CERT1: variants seen among roughly 807,000 people sequenced by gnomAD.
The protein encoded by CERT1 is ceramide transporter 1.
In CERT1, 31 loss-of-function variants were observed where a neutral mutation model predicts 87.9. The observed-to-expected ratio is 0.35, with a 90% CI of 0.27 to 0.48. The LOEUF (loss-of-function observed/expected upper bound fraction) is 0.48, where lower values mean the gene tolerates loss of function less well. Among genes scored for constraint, CERT1 ranks in the 20% least tolerant of loss-of-function variants. The pLI is 0.99. For synonymous variants in CERT1, 289 were observed against 250.9 expected, an observed-to-expected ratio of 1.15 and a Z score of -1.44; for missense variants, 487 against 758.0, an observed-to-expected ratio of 0.64 and a Z score of 4.20.
At chr5:75,382,450 C>A (rs1188788650) in intron 14 of CERT1, among the ~76,000 whole-genome samples, 2 of 152,060 alleles carry the variant, frequency 1.3e-5, no homozygotes, top group East Asian at 3.9e-4. Flanking sequence ...AACAACTTTC[C>A]ATTCCTCTCT....
chr5:75,393,257 G>A (rs1762100478), intron 11 of CERT1, among the ~76,000 whole-genome samples: 1 of 151,778 alleles, frequency 6.6e-6, no homozygotes. Flanking sequence ...ACCTAGAGTT[G>A]AAAATGATTA....
intron 2 of CERT1, among the ~76,000 whole-genome samples, chr5:75,478,299 G>A (rs566424040): frequency 9.8e-4 from 148 of 151,470 alleles, no homozygotes; most frequent in Middle Eastern, 3.4e-3. Context: ...GGGTGACAGA[G>A]CAAGACTCTG....
intron 2 of CERT1, among the ~76,000 whole-genome samples, chr5:75,492,854 T>G (rs75701728): frequency 0.015 from 2,299 of 152,294 alleles, 57 homozygotes; most frequent in African/African-American, 0.053. Context: ...TTTTCCTGCT[T>G]TAGGAAAGTG....
intron 4 of CERT1, 75 bp downstream of exon 4, chr5:75,426,296 A>T (rs1250589958): frequency 8.8e-6 from 9 of 1,026,636 alleles, no homozygotes; most frequent in Non-Finnish European, 1.4e-5. Context: ...AAATTATCAC[A>T]TATGTTCTGT....
intron 8 of CERT1, among the ~76,000 whole-genome samples, chr5:75,404,196 G>T (rs1488441283): frequency 2.0e-5 from 3 of 151,194 alleles, no homozygotes; most frequent in Non-Finnish European, 4.4e-5. Context: ...GGAGGTATGG[G>T]GTCACGTTCT....
At chr5:75,443,872 C>T (rs1764422700) in intron 3 of CERT1, among the ~76,000 whole-genome samples, 1 of 152,162 alleles carries the variant, frequency 6.6e-6, no homozygotes, top group South Asian at 2.1e-4. Flanking sequence ...CTGCAGTGAA[C>T]CTTTTATTAA....
chr5:75,421,614 C>A (rs889882567), intron 5 of CERT1, among the ~76,000 whole-genome samples: 1 of 152,172 alleles, frequency 6.6e-6, no homozygotes, highest in Non-Finnish European at 1.5e-5. Flanking sequence ...TCTTTAGATA[C>A]ATTATTTTTA....
rs190678190 is a variant in CERT1 at position 75,423,518 on chromosome 5, T to C, written c.595+1843A>G. Among the ~76,000 whole-genome samples, 165 of 152,244 alleles carry C rather than the reference T, an allele frequency of 1.1e-3. 1 individual carries two copies. The highest frequency in any genetic ancestry group is 7.4e-3 in the Admixed American group (113 of 15,286). ...ACTTTGGGCAGTTGAGGTGGGAGAA[T>C]CCCTTGAGGCCAGGAGTTTAAAGAC... On this transcript the variant is annotated intron_variant, in intron 5 of 16. Coordinates refer to ENST00000643780, the MANE Select transcript of CERT1 (RefSeq NM_001379029.1).
At chr5:75,506,329 A>G (rs927768463) in intron 1 of CERT1, among the ~76,000 whole-genome samples, 2 of 152,226 alleles carry the variant, frequency 1.3e-5, no homozygotes, top group African/African-American at 4.8e-5. Context: ...ACAATATTAT[A>G]AATAAATCTG....
intron 2 of CERT1, among the ~76,000 whole-genome samples, chr5:75,500,184 C>T (rs142205084): frequency 5.3e-5 from 8 of 152,252 alleles, no homozygotes; most frequent in East Asian, 1.9e-4. Flanking sequence ...TCTCCCTCAC[C>T]GCCAACAGAA....
intron 1 of CERT1, 86 bp downstream of exon 1, chr5:75,511,026 C>G: frequency 7.0e-7 from 1 of 1,436,624 alleles, no homozygotes; most frequent in Middle Eastern, 2.2e-4. Flanking sequence ...TCCGCGCCTC[C>G]CGCCAGCCCC....
chr5:75,463,152 A>G (rs1263084240), intron 2 of CERT1, among the ~76,000 whole-genome samples: 1 of 152,124 alleles, frequency 6.6e-6, no homozygotes, highest in Non-Finnish European at 1.5e-5. Context: ...AGAAAGACAC[A>G]CTATGCCCAG....
intron 14 of CERT1, among the ~76,000 whole-genome samples, chr5:75,384,076 T>C (rs1247642760): frequency 1.5e-4 from 23 of 152,222 alleles, no homozygotes; most frequent in Admixed American, 1.4e-3. Context: ...AGTCTTAACA[T>C]AGGCTAATAC....
chr5:75,446,927 G>A (rs901868662), intron 3 of CERT1, among the ~76,000 whole-genome samples: 1 of 152,192 alleles, frequency 6.6e-6, no homozygotes, highest in Admixed American at 6.5e-5. Context: ...AGCCAGAGGG[G>A]GAGGGACCTG....
chr5:75,470,582 CACTCA>C (rs978800162), intron 2 of CERT1, among the ~76,000 whole-genome samples: 5 of 152,088 alleles, frequency 3.3e-5, no homozygotes, highest in African/African-American at 1.2e-4. Context: ...TTCATAAAAA[CACTCA>C]ACAAATTAGT....
chr5:75,479,314 G>C (rs548792324), intron 2 of CERT1, among the ~76,000 whole-genome samples: 1 of 152,016 alleles, frequency 6.6e-6, no homozygotes, highest in East Asian at 1.9e-4. Context: ...TTTTATTTTA[G>C]GTTTGGGGGT....
At chr5:75,466,299 G>C (rs939889531) in intron 2 of CERT1, among the ~76,000 whole-genome samples, 1 of 152,180 alleles carries the variant, frequency 6.6e-6, no homozygotes, top group Non-Finnish European at 1.5e-5. Context: ...AGCCCTGGCA[G>C]TGGCAGTCAG....
Position 75,442,211 on chromosome 5 carries a change from A to AAT in CERT1, c.349-15734_349-15733insAT, listed in dbSNP as rs1460168665. 3.3e-5 allele frequency among the ~76,000 whole-genome samples: 5 copies of AAT among 152,308 alleles called. No individual in the cohort carries two copies. The East Asian group carries it at 9.6e-4, about 29-fold the overall frequency. On this transcript the variant is annotated intron_variant, in intron 3 of 16. Transcript: ENST00000643780. ...AGATTTTTATTTCTTCATACAACTT[A>AAT]GAGATATTGTCCAGTATGCTTACAT... is the stretch of plus-strand genomic sequence containing the variant.
intron 11 of CERT1, among the ~76,000 whole-genome samples, chr5:75,392,969 C>CA (rs1198217217): frequency 0.088 from 765 of 8,670 alleles, 297 homozygotes; most frequent in African/African-American, 0.15. Context: ...GACTCCGTCT[C>CA]AAAAAAAAAA....
Sources: gnomAD v4.1 joint callset for allele counts (sites outside exome capture counted in the v4.1 genomes callset) on GRCh38, gnomAD v4.1.1 for gene constraint, MANE v1.5 for transcripts, NCBI Gene and HGNC (gene_info 2026-07-23, HGNC 2026-07-21) for gene names.